Variants in POLK observed in about 807,000 individuals in gnomAD.
POLK encodes the protein polymerase (DNA directed) kappa.
A neutral mutation model predicts 94.0 loss-of-function variants in POLK; 76 were observed. The ratio of observed to expected loss-of-function variants is 0.81; its 90% CI spans 0.67 to 0.98. POLK has a LOEUF of 0.98. Ranked by LOEUF, POLK falls within the 50% of genes least tolerant of loss-of-function variation. The pLI, the probability that POLK is intolerant of heterozygous loss-of-function variation, is 0.00. For synonymous variants in POLK, 349 were observed against 325.4 expected (o/e 1.07, Z -0.78); for missense variants, 954 against 1,010.1 (o/e 0.94, Z 0.75).
Position 75,537,378 on chromosome 5 carries a change from GC to G in POLK, c.-13-9631del, listed in dbSNP as rs1251559123. On this transcript the variant is annotated intron_variant, in intron 1 of 14. Transcript: ENST00000241436. ...CCCTGGGGGCTCTCACTCACCGTTT[GC>G]GGTGTTGGTTAGGTTCTCCTGGCTC... is the stretch of plus-strand genomic sequence containing the variant. Among the ~76,000 whole-genome samples, 4 of 152,220 alleles carry G rather than the reference GC, an allele frequency of 2.6e-5. No individual in the cohort carries two copies. In the East Asian group the frequency reaches 7.7e-4, roughly 29 times the overall value.
At chr5:75,604,751 G>A (rs937893224), downstream of POLK, among the ~76,000 whole-genome samples, 8 of 152,178 alleles carry the variant, frequency 5.3e-5, no homozygotes, top group Middle Eastern at 3.2e-3. Flanking sequence ...CTTTGTGTTG[G>A]TAGGATTTTA....
At chr5:75,586,831 C>A (rs1271960553) in intron 9 of POLK, among the ~76,000 whole-genome samples, 195 bp from the exon 10 acceptor site, 1 of 152,056 alleles carries the variant, frequency 6.6e-6, no homozygotes, top group Non-Finnish European at 1.5e-5. Context: ...AGACTTGATT[C>A]ATAATCATAT....
intron 1 of POLK, among the ~76,000 whole-genome samples, chr5:75,538,962 A>G (rs1443855269): frequency 6.6e-6 from 1 of 151,902 alleles, no homozygotes; most frequent in African/African-American, 2.4e-5. Context: ...AGTAGAGATG[A>G]GATTTCATCA....
intron 11 of POLK, 42 bp downstream of exon 11, chr5:75,590,482 T>C: frequency 1.8e-6 from 2 of 1,116,644 alleles, no homozygotes; most frequent in Non-Finnish European, 2.7e-6. Context: ...TTAAGTTTTT[T>C]AATAGTAAAA....
intron 1 of POLK, chr5:75,512,810 G>T (rs1427460181): frequency 6.6e-6 from 1 of 152,200 alleles, no homozygotes; most frequent in African/African-American, 2.4e-5. Context: ...AGGATGGGAC[G>T]ATAGGAGCGA....
chr5:75,585,066 A>T, intron 9 of POLK, 140 bp downstream of exon 9: 1 of 625,186 alleles, frequency 1.6e-6, no homozygotes, highest in Non-Finnish European at 2.8e-6. Flanking sequence ...TGTTTGAATT[A>T]GAGTCAACAG....
chr5:75,516,477 A>C (rs1039097206), intron 1 of POLK, among the ~76,000 whole-genome samples: 5 of 152,198 alleles, frequency 3.3e-5, no homozygotes, highest in African/African-American at 9.6e-5. Flanking sequence ...AGTTTAAAAC[A>C]TTAAAAGTTT....
chr5:75,587,410 C>A (rs1772529141), intron 10 of POLK, among the ~76,000 whole-genome samples: 1 of 152,100 alleles, frequency 6.6e-6, no homozygotes, highest in Admixed American at 6.5e-5. Flanking sequence ...TCCTAAAATT[C>A]TTTCAACATT....
chr5:75,566,806 G>A (rs924566314), intron 3 of POLK, among the ~76,000 whole-genome samples: 32 of 152,120 alleles, frequency 2.1e-4, no homozygotes, highest in African/African-American at 6.5e-4. Context: ...CATCTTACCC[G>A]GGAATCCCCG....
chr5:75,571,330 G>C (rs879616904), intron 4 of POLK, among the ~76,000 whole-genome samples: 1 of 152,088 alleles, frequency 6.6e-6, no homozygotes, highest in Non-Finnish European at 1.5e-5. Flanking sequence ...GAATTTGATG[G>C]ATTTTTGAAA....
intron 5 of POLK, among the ~76,000 whole-genome samples, chr5:75,575,837 C>T (rs998707795): frequency 2.0e-5 from 3 of 151,982 alleles, no homozygotes; most frequent in Non-Finnish European, 4.4e-5. Context: ...AAAGAAGAAA[C>T]AGTTTTCTCA....
intron 12 of POLK, among the ~76,000 whole-genome samples, chr5:75,594,816 T>A (rs1561412149): frequency 6.6e-6 from 1 of 152,246 alleles, no homozygotes; most frequent in Non-Finnish European, 1.5e-5. Flanking sequence ...ACAAGCCATG[T>A]TTCCAAAGTG....
intron 6 of POLK, among the ~76,000 whole-genome samples, chr5:75,578,242 G>A (rs949887171): frequency 1.3e-5 from 2 of 152,054 alleles, no homozygotes; most frequent in Admixed American, 6.6e-5. Context: ...TGCAACCTCC[G>A]CCTCCTGGGT....
At chr5:75,590,598 C>A in intron 11 of POLK, 158 bp downstream of exon 11, 1 of 578,868 alleles carries the variant, frequency 1.7e-6, no homozygotes, top group South Asian at 2.3e-5. Flanking sequence ...GATACAAATC[C>A]AATTCTGACC....
At chr5:75,592,050 C>T (rs1772815446) in intron 11 of POLK, among the ~76,000 whole-genome samples, 1 of 152,170 alleles carries the variant, frequency 6.6e-6, no homozygotes, top group Non-Finnish European at 1.5e-5. Context: ...TTAACTTCCT[C>T]CTCCAGGGGA....
chr5:75,526,402 T>A (rs894219002), intron 1 of POLK, among the ~76,000 whole-genome samples: 1 of 152,026 alleles, frequency 6.6e-6, no homozygotes, highest in Non-Finnish European at 1.5e-5. Flanking sequence ...CAGCACCTAA[T>A]TAATAAGATT....
chr5:75,534,564 G>T (rs956406468), intron 1 of POLK, among the ~76,000 whole-genome samples: 2 of 152,130 alleles, frequency 1.3e-5, no homozygotes, highest in African/African-American at 4.8e-5. Flanking sequence ...TATCAGTGGG[G>T]TGTTACAATC....
intron 3 of POLK, among the ~76,000 whole-genome samples, chr5:75,562,581 T>G (rs188163996): frequency 9.1e-4 from 138 of 152,344 alleles, no homozygotes; most frequent in Middle Eastern, 3.4e-3. Flanking sequence ...CATCCTTGTC[T>G]AGTGCTGGTT....
At chr5:75,518,212 G>A (rs1768408129) in intron 1 of POLK, among the ~76,000 whole-genome samples, 1 of 152,084 alleles carries the variant, frequency 6.6e-6, no homozygotes, top group South Asian at 2.1e-4. Context: ...GTAGAAGTGA[G>A]AATTAGTTAT....
Sources: allele counts gnomAD v4.1 joint callset (sites outside exome capture counted in the v4.1 genomes callset), GRCh38; gene constraint gnomAD v4.1.1; transcripts MANE v1.5; gene names NCBI Gene and HGNC (gene_info 2026-07-23, HGNC 2026-07-21).